SLC38A4: variants seen among roughly 807,000 people sequenced by gnomAD.
SLC38A4 encodes solute carrier family 38 member 4, also known as sodium-coupled neutral amino acid transporter 4.
Under a neutral mutation model 63.1 loss-of-function variants are expected in SLC38A4, and 20 were observed. The ratio of observed to expected loss-of-function variants is 0.32; its 90% confidence interval spans 0.22 to 0.46. The LOEUF is 0.46. Among genes scored for constraint, SLC38A4 ranks in the 20% least tolerant of loss-of-function variants. The pLI, the probability that SLC38A4 is intolerant of heterozygous loss-of-function variation, is 1.00. For synonymous variants in SLC38A4, 230 were observed against 225.5 expected (o/e 1.02, Z -0.18); for missense variants, 526 against 663.6 (o/e 0.79, Z 2.28).
chr12:46,830,795 T>G (rs1939721291), upstream of SLC38A4, among the ~76,000 whole-genome samples: 1 of 152,202 alleles, frequency 6.6e-6, no homozygotes, highest in South Asian at 2.1e-4. Flanking sequence ...CACTGTGCAT[T>G]TAAGACCTCG....
At chr12:46,790,488 C>T (rs1389204803) in intron 3 of SLC38A4, among the ~76,000 whole-genome samples, 1 of 152,034 alleles carries the variant, frequency 6.6e-6, no homozygotes, top group Non-Finnish European at 1.5e-5. Context: ...AAGACTGGTA[C>T]ATAATGTTCA....
Position 46,766,638 on chromosome 12 carries a change from A to G in SLC38A4, c.*63T>C, listed in dbSNP as rs748680800. On this transcript the variant is annotated 3_prime_UTR_variant, in exon 17 of 17. Coordinates refer to ENST00000266579, the MANE Select transcript of SLC38A4 (RefSeq NM_018018.5). ...ATAACATTCCAATCAAGATAATTCA[A>G]ATATCTTTTGGAGTATAACTTGTAA... The G allele has an allele frequency of 1.8e-6, 2 of 1,093,180 alleles. No homozygotes were observed. Among genetic ancestry groups the G allele is most frequent in the Middle Eastern group, 2.0e-4 (1 of 4,984 alleles). The allele number at this position is 1,093,180 out of a possible 1,614,324, so 67.7% of individuals were successfully genotyped here. A position where few individuals can be genotyped will look rare whatever the true frequency, so the allele number is the denominator to read the frequency against.
At position 46,769,329 on chromosome 12, in the gene SLC38A4, G is replaced by T; in HGVS notation, c.1399C>A (p.Leu467Met). 6.2e-7 allele frequency: 1 copy of T among 1,613,398 alleles called. No homozygotes were observed. The highest frequency in any genetic ancestry group is 8.5e-7 in the Non-Finnish European group (1 of 1,179,546). The change falls in exon 15 of 17, where the codon CTG becomes ATG. Residue 467 changes from leucine (L) to methionine (M), a missense_variant. Leu to Met is a conservative substitution (Grantham distance 15). Transcript: ENST00000266579. ...TTTATAGTTGGCACAAGGATGACCA[G>T]AACATTATTAAGTGCAATAAGCACA... The part of the protein sequence containing the change: ...AAVLIALNNV[L>M]VILVPTIKYI...
intron 2 of SLC38A4, among the ~76,000 whole-genome samples, chr12:46,797,378 A>G (rs1020151786): frequency 2.6e-5 from 4 of 152,066 alleles, no homozygotes; most frequent in Non-Finnish European, 5.9e-5. Context: ...GGAAGGGCAA[A>G]TTTACTGTCT....
At chr12:46,816,303 A>T (rs762098866) in intron 1 of SLC38A4, among the ~76,000 whole-genome samples, 29 of 151,844 alleles carry the variant, frequency 1.9e-4, no homozygotes, top group Non-Finnish European at 2.8e-4. Context: ...TAATATTTGG[A>T]TGCATAATAT....
Position 46,766,672 on chromosome 12 carries a change from A to G in SLC38A4, c.*29T>C, listed in dbSNP as rs759674469. ...TGGAGTATAACTTGTAACCATTTCC[A>G]ATAGAAAAAGAAAGTATTTTTCCTT... On this transcript the variant is annotated 3_prime_UTR_variant, in exon 17 of 17. Coordinates refer to ENST00000266579, the MANE Select transcript of SLC38A4 (RefSeq NM_018018.5). The G allele has an allele frequency of 1.0e-5, 14 of 1,390,296 alleles. No homozygotes were observed. Among genetic ancestry groups the G allele is most frequent in the Non-Finnish European group, 1.4e-5 (14 of 982,018 alleles). 86.1% of individuals were successfully genotyped at this position (1,390,296 alleles called of 1,614,324 possible).
chr12:46,801,494 C>T (rs1167982435), intron 2 of SLC38A4, among the ~76,000 whole-genome samples: 1 of 152,006 alleles, frequency 6.6e-6, no homozygotes, highest in Non-Finnish European at 1.5e-5. Flanking sequence ...CTAATATAGC[C>T]AGAGCAGATT....
chr12:46,775,246 A>G, intron 13 of SLC38A4, 73 bp from the exon 14 acceptor site: 1 of 1,547,860 alleles, frequency 6.5e-7, no homozygotes, highest in East Asian at 2.3e-5. Flanking sequence ...GCAACATTTT[A>G]TAGAGAGAAC....
chr12:46,815,234 C>A, intron 1 of SLC38A4, among the ~76,000 whole-genome samples: 2 of 115,236 alleles, frequency 1.7e-5, no homozygotes, highest in African/African-American at 3.4e-5. Flanking sequence ...TTATAAATGG[C>A]TAAAGGATAT....
Position 46,791,284 on chromosome 12 carries a change from T to C in SLC38A4, c.119+1669A>G, listed in dbSNP as rs187474992. ...CAGCTGTTGGTTTGCCATTTTACAT[T>C]TTCCATTGAAGCTCAAAGAGGACAA... On this transcript the variant is annotated intron_variant, in intron 3 of 16. Coordinates refer to ENST00000266579, the MANE Select transcript of SLC38A4 (RefSeq NM_018018.5). Among the ~76,000 whole-genome samples, 9 of 152,330 alleles carry C rather than the reference T, an allele frequency of 5.9e-5. No individual in the cohort carries two copies. In the East Asian group the frequency reaches 1.7e-3, roughly 29 times the overall value.
chr12:46,769,405 C>T lies in SLC38A4; in HGVS notation c.1323G>A (p.Leu441=). 6.2e-7 allele frequency: 1 copy of T among 1,613,330 alleles called. No homozygotes were observed. Among genetic ancestry groups the T allele is most frequent in the Non-Finnish European group, 8.5e-7 (1 of 1,179,456 alleles). ...LFPIRTSVIT[L]LFPKRPFSWI... ...AGCTGAAGGGTCGTTTGGGAAATAA[C>T]AGTGTGATCACTGATGTACGAATCT... Residue 441 remains leucine, a synonymous_variant, in exon 15 of 17, where the codon CTG becomes CTA. Coordinates refer to ENST00000266579, the MANE Select transcript of SLC38A4 (RefSeq NM_018018.5).
intron 16 of SLC38A4, 72 bp downstream of exon 16, chr12:46,768,238 G>A (rs1938337993): frequency 1.8e-6 from 2 of 1,100,074 alleles, no homozygotes; most frequent in Admixed American, 2.4e-5. Context: ...TCTGAACTAT[G>A]TGTATTTTCT....
chr12:46,768,620 A>G (rs866349509), intron 15 of SLC38A4, among the ~76,000 whole-genome samples: 6 of 152,158 alleles, frequency 3.9e-5, no homozygotes, highest in African/African-American at 9.7e-5. Context: ...TCAAAGCTGC[A>G]TAAGTATATG....
intron 2 of SLC38A4, among the ~76,000 whole-genome samples, chr12:46,800,283 G>A (rs17097332): frequency 0.021 from 3,188 of 151,994 alleles, 105 homozygotes; most frequent in African/African-American, 0.072. Flanking sequence ...AAACGACTGC[G>A]CTACTGAAGG....
intron 16 of SLC38A4, among the ~76,000 whole-genome samples, chr12:46,767,081 CAAG>C (rs917662588): frequency 1.3e-5 from 2 of 151,756 alleles, no homozygotes; most frequent in Non-Finnish European, 1.5e-5. Flanking sequence ...TATTAAAAAT[CAAG>C]GGACAGAAAA....
At chr12:46,792,791 A>G (rs930665440) in intron 3 of SLC38A4, among the ~76,000 whole-genome samples, 162 bp downstream of exon 3, 2 of 152,210 alleles carry the variant, frequency 1.3e-5, no homozygotes, top group African/African-American at 2.4e-5. Flanking sequence ...GATTGACATT[A>G]TCACTGTATT....
At chr12:46,785,935 G>A (rs141358907) in intron 5 of SLC38A4, among the ~76,000 whole-genome samples, 5 of 151,082 alleles carry the variant, frequency 3.3e-5, no homozygotes, top group Non-Finnish European at 7.4e-5. Context: ...CTGGAATTCA[G>A]AAAAAAAATC....
At chr12:46,814,629 A>C (rs764337592) in intron 1 of SLC38A4, among the ~76,000 whole-genome samples, 4 of 151,970 alleles carry the variant, frequency 2.6e-5, no homozygotes, top group African/African-American at 7.2e-5. Flanking sequence ...CTAATTGCCA[A>C]AACAGCCACA....
intron 14 of SLC38A4, 24 bp from the exon 15 acceptor site, chr12:46,769,452 A>C: frequency 2.5e-6 from 4 of 1,604,308 alleles, no homozygotes; most frequent in Non-Finnish European, 3.4e-6. Flanking sequence ...GTTCAAAGGC[A>C]AGATCATTTC....
Sources: gnomAD v4.1 joint callset for allele counts (sites outside exome capture counted in the v4.1 genomes callset) on GRCh38, gnomAD v4.1.1 for gene constraint, MANE v1.5 for transcripts, NCBI Gene and HGNC (gene_info 2026-07-23, HGNC 2026-07-21) for gene names.